Variants in RGS7 observed in about 807,000 individuals in gnomAD.
RGS7 encodes regulator of G-protein signaling 7.
Under a neutral mutation model 81.1 loss-of-function variants are expected in RGS7, and 27 were observed. The observed-to-expected ratio is 0.33, with a 90% CI of 0.25 to 0.46. The LOEUF is 0.46. RGS7 is among the 20% of genes least tolerant of loss of function. The pLI, the probability that RGS7 is intolerant of heterozygous loss-of-function variation, is 1.00. For missense variants in RGS7, 396 were observed against 607.4 expected (o/e 0.65, Z 3.66); for synonymous variants, 208 against 207.7 (o/e 1.00, Z -0.01).
intron 2 of RGS7, among the ~76,000 whole-genome samples, chr1:241,141,482 T>A (rs73129638): frequency 0.039 from 5,974 of 152,282 alleles, 387 homozygotes; most frequent in African/African-American, 0.14. Context: ...TGATTCATGG[T>A]TCTGCATTGC....
At chr1:240,917,223 T>G (rs538120005) in intron 6 of RGS7, among the ~76,000 whole-genome samples, 20 of 152,260 alleles carry the variant, frequency 1.3e-4, no homozygotes, top group Admixed American at 4.6e-4. Context: ...GAGAATTTGT[T>G]GACAAAAGAC....
chr1:241,241,410 G>A (rs1382241875), intron 2 of RGS7, among the ~76,000 whole-genome samples: 1 of 151,884 alleles, frequency 6.6e-6, no homozygotes, highest in Non-Finnish European at 1.5e-5. Context: ...AATAAATTGG[G>A]CTCAAGATTT....
At chr1:241,104,333 G>A (rs1219669818) in intron 2 of RGS7, among the ~76,000 whole-genome samples, 1 of 152,166 alleles carries the variant, frequency 6.6e-6, no homozygotes, top group East Asian at 1.9e-4. Flanking sequence ...GCAATAAGTA[G>A]TCAGAGATGC....
At chr1:241,117,283 C>G (rs1407073349) in intron 2 of RGS7, among the ~76,000 whole-genome samples, 1 of 152,188 alleles carries the variant, frequency 6.6e-6, no homozygotes, top group Admixed American at 6.5e-5. Context: ...GCTCCTACTT[C>G]AAGTTCTGAT....
intron 9 of RGS7, among the ~76,000 whole-genome samples, chr1:240,864,045 T>C (rs571976314): frequency 1.3e-5 from 2 of 152,248 alleles, no homozygotes; most frequent in Non-Finnish European, 2.9e-5. Flanking sequence ...GTACGTCCTA[T>C]AAACAACATG....
intron 2 of RGS7, among the ~76,000 whole-genome samples, chr1:241,197,733 T>C (rs1389599235): frequency 6.6e-6 from 1 of 150,448 alleles, no homozygotes; most frequent in African/African-American, 2.4e-5. Context: ...TAAAAGGAGA[T>C]ATATAAAAAT....
At chr1:240,846,809 C>A (rs186493677) in intron 9 of RGS7, among the ~76,000 whole-genome samples, 1 of 152,124 alleles carries the variant, frequency 6.6e-6, no homozygotes, top group Non-Finnish European at 1.5e-5. Flanking sequence ...GATGACATGG[C>A]GGAAACTGTC....
chr1:241,064,023 A>C (rs1365964585), intron 3 of RGS7, among the ~76,000 whole-genome samples: 1 of 151,680 alleles, frequency 6.6e-6, no homozygotes, highest in East Asian at 2.0e-4. Context: ...CTCTCTACTA[A>C]AAATACAAAA....
rs1357483319 is a variant in RGS7, at chr1:240,995,467, T to G, written c.176-12338A>C. Among the ~76,000 whole-genome samples the G allele has an allele frequency of 2.6e-5, 4 of 152,308 alleles. No homozygotes were observed. The East Asian group carries it at 7.7e-4, about 29-fold the overall frequency. ...GAAACCATGAACCTGGAGATTTTGT[T>G]TTTAGAGATTTCTAAATTATGAATT... is the stretch of plus-strand genomic sequence containing the variant. On this transcript the variant is annotated intron_variant, in intron 3 of 18. Coordinates refer to ENST00000440928, the MANE Select transcript of RGS7 (RefSeq NM_001364886.1).
At chr1:240,974,264 C>T (rs889508742) in intron 4 of RGS7, among the ~76,000 whole-genome samples, 2 of 152,182 alleles carry the variant, frequency 1.3e-5, no homozygotes, top group Admixed American at 6.5e-5. Flanking sequence ...AGTTTTTATC[C>T]TAGATAAATT....
intron 6 of RGS7, among the ~76,000 whole-genome samples, chr1:240,878,473 CTTTTCTTTT>C: frequency 7.7e-6 from 1 of 129,894 alleles, no homozygotes; most frequent in African/African-American, 2.8e-5. Context: ...TCTTTTCTTT[CTTTTCTTTT>C]TTCTTTCTTT....
chr1:240,866,764 A>C (rs774297218), intron 9 of RGS7, among the ~76,000 whole-genome samples: 5 of 152,188 alleles, frequency 3.3e-5, no homozygotes, highest in Non-Finnish European at 7.3e-5. Flanking sequence ...CAAAGGGCTA[A>C]GGCAATGGAG....
At chr1:240,943,858 G>A (rs1038298543) in intron 4 of RGS7, among the ~76,000 whole-genome samples, 19 of 152,070 alleles carry the variant, frequency 1.2e-4, no homozygotes, top group African/African-American at 4.6e-4. Context: ...GAACCTGACA[G>A]TAGAAGAATA....
At chr1:241,268,170 G>A (rs905980454) in intron 2 of RGS7, among the ~76,000 whole-genome samples, 1 of 152,144 alleles carries the variant, frequency 6.6e-6, no homozygotes, top group Non-Finnish European at 1.5e-5. Flanking sequence ...CTTTCTGGTG[G>A]AAAAGAACTG....
chr1:241,004,442 T>A (rs73123738), intron 3 of RGS7, among the ~76,000 whole-genome samples: 7,653 of 152,144 alleles, frequency 0.05, 641 homozygotes, highest in African/African-American at 0.17. Context: ...AGGAAACAGA[T>A]AAATAGATCA....
chr1:241,043,532 A>C (rs2060737031), intron 3 of RGS7, among the ~76,000 whole-genome samples: 1 of 146,984 alleles, frequency 6.8e-6, no homozygotes, highest in Non-Finnish European at 1.5e-5. Flanking sequence ...TAATACATAT[A>C]TAGATATATC....
At position 240,839,628 on chromosome 1, in the gene RGS7, C is replaced by T. The variant is rs549075486; in HGVS notation, c.610-12456G>A. 3.4e-4 allele frequency among the ~76,000 whole-genome samples: 51 copies of T among 152,002 alleles called. No homozygotes were observed. In the South Asian group the frequency reaches 9.6e-3, roughly 29 times the overall value. On this transcript the variant is annotated intron_variant, in intron 9 of 18. Coordinates refer to ENST00000440928, the MANE Select transcript of RGS7 (RefSeq NM_001364886.1). Reference sequence around the variant, plus strand: ...AGAGCTAGAAATTTGTTCTGTGCTCCGAGGGGTGGGGAGAAAAGTTAACTG... The same window carrying T: ...AGAGCTAGAAATTTGTTCTGTGCTCTGAGGGGTGGGGAGAAAAGTTAACTG...
At chr1:240,942,213 G>C (rs6657406) in intron 4 of RGS7, among the ~76,000 whole-genome samples, 1 of 152,032 alleles carries the variant, frequency 6.6e-6, no homozygotes, top group Non-Finnish European at 1.5e-5. Flanking sequence ...TGACCACAAC[G>C]ATTTCAAAAA....
chr1:240,839,218 C>G (rs993618602), intron 9 of RGS7, among the ~76,000 whole-genome samples: 1 of 152,178 alleles, frequency 6.6e-6, no homozygotes, highest in Non-Finnish European at 1.5e-5. Context: ...ATCCTTGACT[C>G]CAGCGCATCT....
Sources: gnomAD v4.1 joint callset for allele counts (sites outside exome capture counted in the v4.1 genomes callset) on GRCh38, gnomAD v4.1.1 for gene constraint, MANE v1.5 for transcripts, NCBI Gene and HGNC (gene_info 2026-07-23, HGNC 2026-07-21) for gene names.